Variants in PELI1 observed in about 807,000 individuals in gnomAD.
The protein encoded by PELI1 is pellino E3 ubiquitin protein ligase 1, also known as E3 ubiquitin-protein ligase pellino homolog 1.
Under a neutral mutation model 41.3 loss-of-function variants are expected in PELI1, and 15 were observed. The observed-to-expected ratio is 0.36, with a 90% CI of 0.24 to 0.56. The LOEUF is 0.56. PELI1 is among the 20% of genes least tolerant of loss of function. PELI1 has a pLI of 0.82. For synonymous variants in PELI1, 178 were observed against 180.1 expected, an observed-to-expected ratio of 0.99 and a Z score of 0.09; for missense variants, 403 against 525.5, an observed-to-expected ratio of 0.77 and a Z score of 2.28.
intron 4 of PELI1, among the ~76,000 whole-genome samples, chr2:64,096,849 T>C (rs1337623968): frequency 1.3e-5 from 2 of 152,160 alleles, no homozygotes; most frequent in Non-Finnish European, 2.9e-5. Context: ...ACGAAACCCT[T>C]AGGGAATGAA....
intron 1 of PELI1, among the ~76,000 whole-genome samples, 183 bp downstream of exon 1, chr2:64,143,898 C>G (rs1041053094): frequency 1.3e-5 from 2 of 151,518 alleles, no homozygotes; most frequent in African/African-American, 4.8e-5. Context: ...TTCCTCGAGC[C>G]AGGGCGCGGG....
At chr2:64,126,541 A>G (rs374170190) in intron 1 of PELI1, among the ~76,000 whole-genome samples, 64 of 152,332 alleles carry the variant, frequency 4.2e-4, no homozygotes, top group Non-Finnish European at 7.2e-4. Flanking sequence ...CTGAGCATTC[A>G]CTATAAGGTC....
intron 1 of PELI1, among the ~76,000 whole-genome samples, chr2:64,114,538 T>G (rs1209415908): frequency 6.6e-6 from 1 of 152,200 alleles, no homozygotes; most frequent in Admixed American, 6.5e-5. Flanking sequence ...ACACCACCTG[T>G]GTAAATTCCC....
chr2:64,099,025 G>C (rs1320467428), intron 4 of PELI1, among the ~76,000 whole-genome samples: 1 of 152,122 alleles, frequency 6.6e-6, no homozygotes, highest in Non-Finnish European at 1.5e-5. Flanking sequence ...TTTAATTTCA[G>C]TTTTGCCCCC....
At chr2:64,128,693 C>T (rs143535721) in intron 1 of PELI1, among the ~76,000 whole-genome samples, 4 of 152,172 alleles carry the variant, frequency 2.6e-5, no homozygotes, top group East Asian at 1.9e-4. Context: ...GCATTTACTG[C>T]GGAGTGTATG....
intron 1 of PELI1, among the ~76,000 whole-genome samples, chr2:64,130,227 G>C (rs1681512883): frequency 6.6e-6 from 1 of 152,144 alleles, no homozygotes; most frequent in Non-Finnish European, 1.5e-5. Context: ...GCCCGGGCTA[G>C]TCTGAAACTC....
intron 4 of PELI1, among the ~76,000 whole-genome samples, chr2:64,099,393 C>T (rs537149514): frequency 1.3e-5 from 2 of 152,162 alleles, no homozygotes; most frequent in South Asian, 4.1e-4. Context: ...AAAAATCATC[C>T]TAAAGCTTTG....
intron 1 of PELI1, among the ~76,000 whole-genome samples, chr2:64,132,185 C>T (rs948490014): frequency 8.5e-5 from 13 of 152,106 alleles, no homozygotes; most frequent in African/African-American, 2.9e-4. Context: ...TTATGCTTGA[C>T]ATCGTGCTGA....
chr2:64,137,079 C>G (rs563581183), intron 1 of PELI1, among the ~76,000 whole-genome samples: 1 of 152,176 alleles, frequency 6.6e-6, no homozygotes, highest in African/African-American at 2.4e-5. Flanking sequence ...AGTAATTGTT[C>G]AAAATTAGTA....
intron 1 of PELI1, among the ~76,000 whole-genome samples, chr2:64,137,508 G>A (rs762982785): frequency 1.3e-5 from 2 of 152,078 alleles, no homozygotes; most frequent in Non-Finnish European, 2.9e-5. Context: ...TGCGCATTTT[G>A]TGAGACCTTA....
chr2:64,131,375 G>A (rs1681550254), intron 1 of PELI1, among the ~76,000 whole-genome samples: 1 of 151,816 alleles, frequency 6.6e-6, no homozygotes, highest in South Asian at 2.1e-4. Flanking sequence ...AGGGACCTCT[G>A]ACTTATAATA....
In PELI1 at chr2:64,094,167, T is replaced by A. The variant is rs1680144877; in HGVS notation, c.*535A>T. The A allele has an allele frequency of 6.5e-6, 1 of 152,720 alleles. No individual in the cohort carries two copies. The highest frequency in any genetic ancestry group is 2.1e-4 in the South Asian group (1 of 4,834). 9.5% of individuals were successfully genotyped at this position (152,720 alleles called of 1,614,324 possible). A position where few individuals can be genotyped will look rare whatever the true frequency, so the allele number is the denominator to read the frequency against. Reference sequence around the variant, plus strand: ...AGAGAGGCTCTCTCGTCCTTCTTCCTAACTTTGCAAATCCTTGAGCTAGGT... The same window carrying A: ...AGAGAGGCTCTCTCGTCCTTCTTCCAAACTTTGCAAATCCTTGAGCTAGGT... On this transcript the variant is annotated 3_prime_UTR_variant, in exon 7 of 7. Transcript: ENST00000358912.
At chr2:64,099,399 C>G (rs1680351058) in intron 4 of PELI1, among the ~76,000 whole-genome samples, 1 of 152,026 alleles carries the variant, frequency 6.6e-6, no homozygotes, top group African/African-American at 2.4e-5. Flanking sequence ...CATCCTAAAG[C>G]TTTGTGTTCG....
At position 64,104,830 on chromosome 2, in the gene PELI1, C is replaced by A. The variant is rs754286453; in HGVS notation, c.72G>T (p.Gly24=). The change falls in exon 3 of 7, where the codon GGG becomes GGT. Residue 24 remains glycine (G), a splice_region_variant and synonymous_variant. Coordinates refer to ENST00000358912, the MANE Select transcript of PELI1 (RefSeq NM_020651.4). ...CGCCATTTGGGAGAGACCCATTATA[C>A]CTGATGGGGGAAAAAAAGTATAGGT... ...PVKYGELIVL[G]YNGSLPNGDR... is the part of the protein sequence containing the mutation. The A allele has an allele frequency of 6.2e-7, 1 of 1,608,524 alleles. No individual in the cohort carries two copies. Among genetic ancestry groups the A allele is most frequent in the Non-Finnish European group, 8.5e-7 (1 of 1,177,766 alleles).
chr2:64,096,214 A>C lies in PELI1; in HGVS notation c.601T>G (p.Ser201Ala). 6.2e-7 allele frequency: 1 copy of C among 1,613,932 alleles called. No individual in the cohort carries two copies. The highest frequency in any genetic ancestry group is 8.5e-7 in the Non-Finnish European group (1 of 1,179,818). The change falls in exon 6 of 7, where the codon TCC (serine) becomes GCC (alanine). Residue 201 changes from serine (S) to alanine (A), a missense_variant. Transcript: ENST00000358912. ...MHPRNGFTED[S>A]KPGIWREISV... ...ATTTCTCTCCATATTCCAGGCTTGG[A>C]GTCTTCTGTGAACCCATTGCGTGGA...
At chr2:64,099,041 ACT>A (rs1680334339) in intron 4 of PELI1, among the ~76,000 whole-genome samples, 1 of 152,072 alleles carries the variant, frequency 6.6e-6, no homozygotes, top group Non-Finnish European at 1.5e-5. Context: ...CCCCCAAGTA[ACT>A]CTATCATCTT....
intron 1 of PELI1, among the ~76,000 whole-genome samples, chr2:64,118,984 T>C (rs1443152341): frequency 1.5e-5 from 2 of 136,532 alleles, no homozygotes; most frequent in African/African-American, 5.7e-5. Context: ...GTTTTTGTTT[T>C]TTTTTTTAAA....
rs2103649941 is a variant in PELI1 at position 64,093,243 on chromosome 2, A to G, written c.*1459T>C. On this transcript the variant is annotated 3_prime_UTR_variant, in exon 7 of 7. Transcript: ENST00000358912. ...AAAGAAAATTCAGAACAGTTTTGTA[A>G]TAGGATAAATTAAAGGTATGCTACC... The G allele has an allele frequency of 6.5e-6, 1 of 152,778 alleles. No homozygotes were observed. The highest frequency in any genetic ancestry group is 6.5e-5 in the Admixed American group (1 of 15,306). 9.5% of individuals were successfully genotyped at this position (152,778 alleles called of 1,614,324 possible). A position where few individuals can be genotyped will look rare whatever the true frequency, so the allele number is the denominator to read the frequency against.
intron 1 of PELI1, among the ~76,000 whole-genome samples, chr2:64,119,803 G>C (rs891976619): frequency 6.6e-6 from 1 of 152,080 alleles, no homozygotes; most frequent in East Asian, 1.9e-4. Flanking sequence ...ATAAATGTCA[G>C]AAGTATAACT....
Sources: gnomAD v4.1 joint callset for allele counts (sites outside exome capture counted in the v4.1 genomes callset) on GRCh38, gnomAD v4.1.1 for gene constraint, MANE v1.5 for transcripts, NCBI Gene and HGNC (gene_info 2026-07-23, HGNC 2026-07-21) for gene names.